The following RPS6KB1 variants were observed in gnomAD, a reference collection of about 807,000 sequenced individuals.
The protein encoded by RPS6KB1 is ribosomal protein S6 kinase beta-1.
A neutral mutation model predicts 70.2 loss-of-function variants in RPS6KB1; 12 were observed. That is an observed-to-expected ratio of 0.17 (90% confidence interval 0.11 to 0.28). The LOEUF is 0.28. RPS6KB1 is among the 10% of genes least tolerant of loss of function. The pLI is 1.00. For missense variants in RPS6KB1, 270 were observed against 646.6 expected, an observed-to-expected ratio of 0.42 and a Z score of 6.32; for synonymous variants, 175 against 211.2, an observed-to-expected ratio of 0.83 and a Z score of 1.49.
At chr17:59,919,431 G>A (rs2043144612) in intron 4 of RPS6KB1, among the ~76,000 whole-genome samples, 1 of 152,118 alleles carries the variant, frequency 6.6e-6, no homozygotes, top group South Asian at 2.1e-4. Context: ...CTCTAGCTTG[G>A]ACAACAAGAG....
chr17:59,946,413 C>G lies in RPS6KB1; in HGVS notation c.1341-138C>G. ...GGGGGAGAGATGGTTCAATTTTTGC[C>G]TTTGTGCTAATCCACGTGAAAATAA... On this transcript the variant is annotated intron_variant, in intron 14 of 14. Coordinates refer to ENST00000225577, the MANE Select transcript of RPS6KB1 (RefSeq NM_003161.4). The surrounding 1 kb of genome is among the most constrained non-coding windows in gnomAD (Gnocchi z 4.2). The G allele has an allele frequency of 1.4e-6, 1 of 729,232 alleles. No individual in the cohort carries two copies. Among genetic ancestry groups the G allele is most frequent in the Non-Finnish European group, 2.3e-6 (1 of 431,942 alleles). 45.2% of individuals were successfully genotyped at this position (729,232 alleles called of 1,614,324 possible). A position where few individuals can be genotyped will look rare whatever the true frequency, so the allele number is the denominator to read the frequency against.
At chr17:59,925,970 A>G (rs2043582024) in intron 4 of RPS6KB1, among the ~76,000 whole-genome samples, 1 of 151,970 alleles carries the variant, frequency 6.6e-6, no homozygotes, top group Non-Finnish European at 1.5e-5. Context: ...ATAACTTTCA[A>G]GCGAGACTTT....
At chr17:59,936,978 G>T (rs947055856) in intron 12 of RPS6KB1, among the ~76,000 whole-genome samples, 2 of 152,078 alleles carry the variant, frequency 1.3e-5, no homozygotes, top group Non-Finnish European at 2.9e-5. Flanking sequence ...TCCCACCTCA[G>T]CTTCCCAAAT....
intron 4 of RPS6KB1, among the ~76,000 whole-genome samples, chr17:59,920,179 A>G (rs982540170): frequency 2.0e-5 from 3 of 151,620 alleles, no homozygotes; most frequent in Middle Eastern, 3.4e-3. Context: ...CACCACACCC[A>G]GCTAATTTTT....
At chr17:59,925,073 C>T (rs1472407196) in intron 4 of RPS6KB1, among the ~76,000 whole-genome samples, 7 of 152,040 alleles carry the variant, frequency 4.6e-5, no homozygotes, top group Non-Finnish European at 1.0e-4. Flanking sequence ...CCTCATTATC[C>T]GCCCTCCTCG....
chr17:59,918,230 C>T (rs2043069470), intron 4 of RPS6KB1, among the ~76,000 whole-genome samples: 1 of 152,146 alleles, frequency 6.6e-6, no homozygotes, highest in Middle Eastern at 3.2e-3. Flanking sequence ...CTGTGCCCAG[C>T]CATTTGACTA....
intron 12 of RPS6KB1, among the ~76,000 whole-genome samples, chr17:59,938,699 TTGTGTGTGTGTGTGTG>T (rs58751297): frequency 1.3e-4 from 18 of 138,166 alleles, no homozygotes; most frequent in Middle Eastern, 3.8e-3. Flanking sequence ...AATGTGTAGT[TTGTGTGTGTGTGTGTG>T]TGTGTGTGTG....
chr17:59,928,090 G>A (rs1435929772), intron 5 of RPS6KB1, among the ~76,000 whole-genome samples: 3 of 151,736 alleles, frequency 2.0e-5, no homozygotes, highest in East Asian at 3.9e-4. Context: ...CCTGGGAGAC[G>A]GAGGTTGTGG....
chr17:59,910,959 CAG>C (rs2042596041), intron 2 of RPS6KB1, among the ~76,000 whole-genome samples: 1 of 149,746 alleles, frequency 6.7e-6, no homozygotes, highest in Non-Finnish European at 1.5e-5. Context: ...AATATACAAA[CAG>C]AAATTCATAC....
intron 1 of RPS6KB1, among the ~76,000 whole-genome samples, chr17:59,909,308 C>A (rs1225016054): frequency 8.1e-6 from 1 of 122,946 alleles, no homozygotes; most frequent in Non-Finnish European, 1.6e-5. Context: ...TGCTCTGTTG[C>A]CCAGGCTAGA....
chr17:59,903,520 A>T (rs998396787), intron 1 of RPS6KB1, among the ~76,000 whole-genome samples: 4 of 152,150 alleles, frequency 2.6e-5, no homozygotes, highest in African/African-American at 9.7e-5. Context: ...ATTATTGCCC[A>T]GATCTTTGTG....
rs1362993052 is a variant in RPS6KB1 at position 59,914,691 on chromosome 17, G to A, written c.369G>A (p.Lys123=). ...ATACTGGGAAAATATTTGCCATGAA[G>A]GTGCTTAAAAAGGTGATTTCCACTC... ...GANTGKIFAM[K]VLKKAMIVRN... is the part of the protein sequence containing the mutation. Residue 123 remains lysine (K), a synonymous_variant, in exon 4 of 15, where the codon AAG becomes AAA. Coordinates refer to ENST00000225577, the MANE Select transcript of RPS6KB1 (RefSeq NM_003161.4). 8 of 1,610,940 alleles carry A rather than the reference G, an allele frequency of 5.0e-6. No individual in the cohort carries two copies. Among genetic ancestry groups the A allele is most frequent in the Admixed American group, 1.7e-5 (1 of 59,352 alleles).
intron 1 of RPS6KB1, among the ~76,000 whole-genome samples, chr17:59,896,292 C>T (rs914622715): frequency 1.3e-5 from 2 of 151,990 alleles, no homozygotes; most frequent in Non-Finnish European, 2.9e-5. Context: ...TTCCCGGGTT[C>T]AAGCGATTCT....
chr17:59,938,587 G>A (rs1666100488), intron 12 of RPS6KB1, among the ~76,000 whole-genome samples: 1 of 152,010 alleles, frequency 6.6e-6, no homozygotes, highest in South Asian at 2.1e-4. Context: ...CATTGACCAT[G>A]TTCATCTGTT....
chr17:59,940,498 G>T (rs1171158761), intron 12 of RPS6KB1, among the ~76,000 whole-genome samples: 1 of 151,830 alleles, frequency 6.6e-6, no homozygotes, highest in Non-Finnish European at 1.5e-5. Context: ...ATTTTGGCCA[G>T]GCTGGTCTCA....
At chr17:59,936,583 C>T (rs768828304) in intron 12 of RPS6KB1, 42 bp downstream of exon 12, 16 of 1,515,378 alleles carry the variant, frequency 1.1e-5, no homozygotes, top group African/African-American at 6.9e-5. Context: ...CAGTGGCTCA[C>T]GCCTGTAATC....
intron 4 of RPS6KB1, among the ~76,000 whole-genome samples, chr17:59,915,608 G>A (rs1464170908): frequency 6.6e-6 from 1 of 151,068 alleles, no homozygotes; most frequent in African/African-American, 2.4e-5. Context: ...TGGGATTACA[G>A]GCGCCTACCA....
rs11427947 is a variant in RPS6KB1, at chr17:59,893,938, C to CT, written c.141+625dup. The CT allele has an allele frequency of 0.27, 219,088 of 808,426 alleles. 6,886 individuals carry two copies. The highest frequency in any genetic ancestry group is 0.35 in the Middle Eastern group (563 of 1,618). 50.1% of individuals were successfully genotyped at this position (808,426 alleles called of 1,614,324 possible). On this transcript the variant is annotated intron_variant, in intron 1 of 14. Coordinates refer to ENST00000225577, the MANE Select transcript of RPS6KB1 (RefSeq NM_003161.4). This position sits in a 1 kb window ranked among gnomAD's most constrained non-coding sequence, Gnocchi z 4.1. ...CAATCTTCCAGGGTTTGTTTGTTTGCTTTTTTTTTTTTACCCCCTTCCGTG... is the reference window on the plus strand; with the variant it reads ...CAATCTTCCAGGGTTTGTTTGTTTGCTTTTTTTTTTTTTACCCCCTTCCGTG...
At chr17:59,945,185 A>T (rs147496054) in intron 13 of RPS6KB1, 270 of 375,992 alleles carry the variant, frequency 7.2e-4, no homozygotes, top group African/African-American at 5.2e-3. Flanking sequence ...GTTTGCTAGC[A>T]TATCAGGCTC....
Sources: gnomAD v4.1 joint callset for allele counts (sites outside exome capture counted in the v4.1 genomes callset) on GRCh38, gnomAD v4.1.1 for gene constraint, Gnocchi (gnomAD v3.1) non-coding constraint, MANE v1.5 for transcripts, NCBI Gene and HGNC (gene_info 2026-07-23, HGNC 2026-07-21) for gene names.